SSH2: variants seen among roughly 807,000 people sequenced by gnomAD.
SSH2 encodes protein phosphatase Slingshot homolog 2.
SSH2 carries 37 observed loss-of-function variants against 135.2 expected under a neutral mutation model. The observed-to-expected ratio is 0.27, with a 90% CI of 0.21 to 0.36. SSH2 has a LOEUF of 0.36. SSH2 is among the 10% of genes least tolerant of loss of function. The pLI is 1.00. For missense variants in SSH2, 1,408 were observed against 1,765.3 expected, an observed-to-expected ratio of 0.80 and a Z score of 3.63; for synonymous variants, 628 against 646.2, an observed-to-expected ratio of 0.97 and a Z score of 0.43.
chr17:29,917,468 G>A (rs1375576057), intron 1 of SSH2, among the ~76,000 whole-genome samples: 1 of 152,128 alleles, frequency 6.6e-6, no homozygotes, highest in East Asian at 1.9e-4. Context: ...CACCAGTCTT[G>A]TAAATTTGAA....
At chr17:29,911,506 C>T (rs1375940095) in intron 1 of SSH2, among the ~76,000 whole-genome samples, 3 of 152,140 alleles carry the variant, frequency 2.0e-5, no homozygotes, top group South Asian at 4.1e-4. Context: ...TCTACAGAGA[C>T]GGAAACACCA....
intron 3 of SSH2, among the ~76,000 whole-genome samples, chr17:29,743,766 G>GA (rs1479811399): frequency 8.6e-5 from 13 of 151,886 alleles, no homozygotes; most frequent in Non-Finnish European, 1.9e-4. Context: ...TTTTAATTTT[G>GA]AAAAAAATTA....
In SSH2 at chr17:29,631,936, A is replaced by G. The variant is rs2035696863; in HGVS notation, c.3258T>C (p.Asn1086=). 1.2e-6 allele frequency: 2 copies of G among 1,613,942 alleles called. No homozygotes were observed. The highest frequency in any genetic ancestry group is 1.7e-6 in the Non-Finnish European group (2 of 1,180,002). The change falls in exon 16 of 16, where the codon AAT becomes AAC. Residue 1086 remains asparagine (N), a synonymous_variant. Transcript: ENST00000540801. ...SVTVLCTLDE[N]LNRTLDPNQV... is the part of the protein sequence containing the mutation. ...GGTTGGGGTCCAGAGTCCTGTTTAG[A>G]TTTTCATCCAGTGTGCAGAGCACAG...
intron 11 of SSH2, 150 bp from the exon 12 acceptor site, chr17:29,655,757 AT>A (rs2036756124): frequency 1.6e-6 from 1 of 633,274 alleles, no homozygotes; most frequent in Non-Finnish European, 2.9e-6. Context: ...ATGTTATCAC[AT>A]TTAGTTTTCA....
At chr17:29,655,652 C>T in intron 11 of SSH2, 45 bp from the exon 12 acceptor site, 3 of 1,541,530 alleles carry the variant, frequency 1.9e-6, no homozygotes, top group Non-Finnish European at 2.7e-6. Flanking sequence ...AGCAAATCAA[C>T]CAAACAATAC....
chr17:29,633,136 T>G (rs1200761166), intron 15 of SSH2, among the ~76,000 whole-genome samples: 1 of 152,222 alleles, frequency 6.6e-6, no homozygotes, highest in Non-Finnish European at 1.5e-5. Flanking sequence ...ACATAACATT[T>G]GTTATAGCTT....
intron 3 of SSH2, among the ~76,000 whole-genome samples, chr17:29,778,875 G>C (rs1293701189): frequency 7.2e-6 from 1 of 138,816 alleles, no homozygotes; most frequent in East Asian, 2.2e-4. Flanking sequence ...AGTAAGTCAT[G>C]TAGCCAAGAG....
intron 14 of SSH2, among the ~76,000 whole-genome samples, chr17:29,639,919 A>C (rs914953720): frequency 6.6e-6 from 1 of 152,114 alleles, no homozygotes; most frequent in Non-Finnish European, 1.5e-5. Flanking sequence ...GAGGATGTTC[A>C]AACCTGCACC....
chr17:29,789,185 T>C (rs1471890476), intron 3 of SSH2, among the ~76,000 whole-genome samples: 1 of 152,078 alleles, frequency 6.6e-6, no homozygotes, highest in Non-Finnish European at 1.5e-5. Flanking sequence ...GCTGCTATAA[T>C]AAAATGCAAA....
intron 8 of SSH2, chr17:29,674,060 G>T (rs749853166): frequency 4.4e-6 from 2 of 456,488 alleles, no homozygotes; most frequent in South Asian, 3.1e-5. Flanking sequence ...CATGCAAAAT[G>T]ATAAGGCATA....
chr17:29,922,577 C>A (rs559074539), intron 1 of SSH2, among the ~76,000 whole-genome samples: 1 of 152,132 alleles, frequency 6.6e-6, no homozygotes, highest in East Asian at 1.9e-4. Context: ...TTGAAAAATA[C>A]GTGACCTAAC....
intron 3 of SSH2, among the ~76,000 whole-genome samples, chr17:29,749,845 G>C (rs1445768280): frequency 6.6e-6 from 1 of 152,104 alleles, no homozygotes; most frequent in Admixed American, 6.5e-5. Flanking sequence ...TCCTGCCTCA[G>C]TCTCCTGAGT....
chr17:29,805,805 T>C (rs1463239048), intron 2 of SSH2, among the ~76,000 whole-genome samples: 1 of 151,010 alleles, frequency 6.6e-6, no homozygotes, highest in African/African-American at 2.4e-5. Flanking sequence ...CTCTGCCTAC[T>C]CAAGGTACCT....
intron 1 of SSH2, among the ~76,000 whole-genome samples, chr17:29,913,348 A>AAAT (rs1491105093): frequency 7.3e-5 from 1 of 13,694 alleles, no homozygotes; most frequent in East Asian, 5.9e-3. Context: ...AAAAAAAAAA[A>AAAT]TATATATATA....
Position 29,913,347 on chromosome 17 carries a change from A to AAAAAAAAAAAAAAAAAAAAAATTAT in SSH2, c.63+16590_63+16591insATAATTTTTTTTTTTTTTTTTTTTT. On this transcript the variant is annotated intron_variant, in intron 1 of 15. Transcript: ENST00000540801. The stretch of plus-strand genomic sequence containing the variant: ...AAAAAAAAAAAAAAAAAAAAAAAAA[A>AAAAAAAAAAAAAAAAAAAAAATTAT]ATATATATATATATATATATATATA... Among the ~76,000 whole-genome samples the AAAAAAAAAAAAAAAAAAAAAATTAT allele has an allele frequency of 6.9e-5, 2 of 28,778 alleles. 1 individual carries two copies. 18.9% of individuals were successfully genotyped at this position (28,778 alleles called of 152,430 possible).
At chr17:29,923,679 T>C (rs2067015703) in intron 1 of SSH2, among the ~76,000 whole-genome samples, 2 of 148,310 alleles carry the variant, frequency 1.3e-5, no homozygotes, top group Admixed American at 6.8e-5. Context: ...CAACCGATAA[T>C]GGAATGGAAA....
In SSH2 at chr17:29,849,860, A is replaced by AAG. The variant is rs779908614; in HGVS notation, c.64-932_64-931insCT. ...ACTACAAAAAAAAAAAAAAAAGTAT[A>AAG]TATATATATATATATATATATTAGC... On this transcript the variant is annotated intron_variant, in intron 1 of 15. Coordinates refer to ENST00000540801, the MANE Select transcript of SSH2 (RefSeq NM_001282129.2). Among the ~76,000 whole-genome samples, 60 of 84,384 alleles carry AAG rather than the reference A, an allele frequency of 7.1e-4. 1 individual carries two copies. Among genetic ancestry groups the AAG allele is most frequent in the Non-Finnish European group, 7.6e-4 (36 of 47,336 alleles). The allele number at this position is 84,384 out of a possible 152,430, so 55.4% of individuals were successfully genotyped here.
At chr17:29,868,442 A>C (rs2065888553) in intron 1 of SSH2, among the ~76,000 whole-genome samples, 1 of 152,156 alleles carries the variant, frequency 6.6e-6, no homozygotes. Context: ...GTGCTCACAT[A>C]AAATTCAGTT....
chr17:29,709,015 T>TATATAGAG (rs780981175), intron 3 of SSH2, among the ~76,000 whole-genome samples: 1,183 of 81,550 alleles, frequency 0.015, 30 homozygotes, highest in Middle Eastern at 0.036. Context: ...TATATATATA[T>TATATAGAG]AGAGAGAGAG....
Sources: gnomAD v4.1 joint callset for allele counts (sites outside exome capture counted in the v4.1 genomes callset) on GRCh38, gnomAD v4.1.1 for gene constraint, MANE v1.5 for transcripts, NCBI Gene and HGNC (gene_info 2026-07-23, HGNC 2026-07-21) for gene names.